Variants in ERBB4 observed in about 807,000 individuals in gnomAD.
ERBB4 encodes the protein erb-b2 receptor tyrosine kinase 4, also known as receptor tyrosine-protein kinase erbB-4.
A neutral mutation model predicts 158.0 loss-of-function variants in ERBB4; 42 were observed. That is an observed-to-expected ratio of 0.27 (90% CI 0.21 to 0.34). The LOEUF (loss-of-function observed/expected upper bound fraction) is 0.34, where lower values mean the gene tolerates loss of function less well. ERBB4 is among the 10% of genes least tolerant of loss of function. The probability of loss-of-function intolerance (pLI) is 1.00; values close to 1 mark genes in which losing one functional copy is unlikely to be tolerated. For synonymous variants in ERBB4, 583 were observed against 558.7 expected (o/e 1.04, Z -0.61); for missense variants, 1,333 against 1,624.1 (o/e 0.82, Z 3.08).
chr2:212,170,125 G>A (rs2081471008), intron 1 of ERBB4, among the ~76,000 whole-genome samples: 1 of 152,120 alleles, frequency 6.6e-6, no homozygotes, highest in Admixed American at 6.6e-5. Context: ...GGAAAAGTTT[G>A]GAACTTCATA....
intron 20 of ERBB4, among the ~76,000 whole-genome samples, chr2:211,477,690 G>A (rs774159072): frequency 1.3e-5 from 2 of 151,792 alleles, no homozygotes; most frequent in Non-Finnish European, 2.9e-5. Flanking sequence ...AGAGAAGGAG[G>A]ATAATAGTCA....
intron 1 of ERBB4, among the ~76,000 whole-genome samples, chr2:212,247,064 A>G (rs1210540992): frequency 6.6e-6 from 1 of 152,218 alleles, no homozygotes; most frequent in Non-Finnish European, 1.5e-5. Flanking sequence ...TAATTTTAGT[A>G]TCAATAAATT....
At chr2:212,514,759 C>T (rs954957326) in intron 1 of ERBB4, among the ~76,000 whole-genome samples, 2 of 152,098 alleles carry the variant, frequency 1.3e-5, no homozygotes, top group East Asian at 1.9e-4. Flanking sequence ...GAGCAGAGAT[C>T]GCACCACTGT....
At chr2:211,717,522 G>T (rs2073956628) in intron 7 of ERBB4, among the ~76,000 whole-genome samples, 1 of 152,098 alleles carries the variant, frequency 6.6e-6, no homozygotes, top group South Asian at 2.1e-4. Flanking sequence ...TGTTTTCAAA[G>T]CCTTTTTAAA....
At chr2:211,674,436 C>A (rs2071974749) in intron 13 of ERBB4, among the ~76,000 whole-genome samples, 1 of 151,904 alleles carries the variant, frequency 6.6e-6, no homozygotes. Context: ...ACATCTATTC[C>A]AAGGCAAAAT....
intron 20 of ERBB4, among the ~76,000 whole-genome samples, chr2:211,495,134 A>C (rs2065438380): frequency 1.3e-5 from 2 of 152,102 alleles, no homozygotes; most frequent in Admixed American, 1.3e-4. Flanking sequence ...ATGTCTTCAT[A>C]GAAACTACAC....
intron 1 of ERBB4, among the ~76,000 whole-genome samples, chr2:212,509,573 TTTAAA>T (rs1691391333): frequency 6.6e-6 from 1 of 151,988 alleles, no homozygotes; most frequent in Non-Finnish European, 1.5e-5. Context: ...AATAATTTAA[TTTAAA>T]TAAGTTTATG....
intron 2 of ERBB4, among the ~76,000 whole-genome samples, chr2:212,034,651 G>A (rs1020384177): frequency 3.3e-5 from 5 of 152,046 alleles, no homozygotes; most frequent in Admixed American, 1.3e-4. Context: ...TTGGGGTATG[G>A]AAATTAATAA....
chr2:212,138,006 T>C (rs987864122), intron 1 of ERBB4, among the ~76,000 whole-genome samples: 2 of 152,214 alleles, frequency 1.3e-5, no homozygotes, highest in Non-Finnish European at 2.9e-5. Flanking sequence ...GTAAAAGGAA[T>C]AATAAATACA....
At chr2:212,318,564 A>G (rs1210748918) in intron 1 of ERBB4, among the ~76,000 whole-genome samples, 1 of 151,622 alleles carries the variant, frequency 6.6e-6, no homozygotes, top group Non-Finnish European at 1.5e-5. Flanking sequence ...AAGAAGTGTA[A>G]TAATATATCC....
At chr2:211,484,707 T>C (rs2065163344) in intron 20 of ERBB4, among the ~76,000 whole-genome samples, 1 of 152,176 alleles carries the variant, frequency 6.6e-6, no homozygotes, top group African/African-American at 2.4e-5. Context: ...TCAAAATATT[T>C]AAACCAAGAG....
At chr2:211,497,153 C>A (rs1002926220) in intron 20 of ERBB4, among the ~76,000 whole-genome samples, 1 of 151,904 alleles carries the variant, frequency 6.6e-6, no homozygotes, top group African/African-American at 2.4e-5. Context: ...ATAAAAATGG[C>A]AAAATCTAAA....
At chr2:211,433,947 T>C (rs1380732870) in intron 20 of ERBB4, among the ~76,000 whole-genome samples, 1 of 152,136 alleles carries the variant, frequency 6.6e-6, no homozygotes, top group African/African-American at 2.4e-5. Context: ...TGCTCCTACG[T>C]GTAAGAGTAT....
intron 1 of ERBB4, among the ~76,000 whole-genome samples, chr2:212,237,099 G>A (rs778714303): frequency 1.1e-4 from 16 of 151,874 alleles, no homozygotes; most frequent in East Asian, 1.9e-4. Flanking sequence ...TTCTCCTGTC[G>A]GCATTTAGTG....
intron 1 of ERBB4, among the ~76,000 whole-genome samples, chr2:212,351,172 T>G (rs2106340859): frequency 6.6e-6 from 1 of 152,136 alleles, no homozygotes; most frequent in East Asian, 1.9e-4. Flanking sequence ...ACCTGACAGG[T>G]GTCCTTATAA....
At chr2:211,793,526 C>A (rs2076321273) in intron 3 of ERBB4, among the ~76,000 whole-genome samples, 1 of 151,910 alleles carries the variant, frequency 6.6e-6, no homozygotes, top group African/African-American at 2.4e-5. Flanking sequence ...GGCAGCAAAA[C>A]CCATTTTCAA....
chr2:211,593,908 C>T (rs963332186), intron 19 of ERBB4, among the ~76,000 whole-genome samples: 1 of 152,138 alleles, frequency 6.6e-6, no homozygotes, highest in Non-Finnish European at 1.5e-5. Context: ...TGATGCCAAC[C>T]AGGATAACTT....
chr2:212,264,332 TCATTAA>T (rs763430584), intron 1 of ERBB4, among the ~76,000 whole-genome samples: 1 of 152,104 alleles, frequency 6.6e-6, no homozygotes, highest in Non-Finnish European at 1.5e-5. Flanking sequence ...GAAAAGCTCT[TCATTAA>T]CATATACTCA....
chr2:212,095,799 G>A (rs10177536), intron 2 of ERBB4, among the ~76,000 whole-genome samples: 102,840 of 150,360 alleles, frequency 0.68, 39,131 homozygotes, highest in East Asian at 1. Context: ...GCCGGGCGTG[G>A]TGGTGGGCGC....
Sources: gnomAD v4.1 joint callset for allele counts (sites outside exome capture counted in the v4.1 genomes callset) on GRCh38, gnomAD v4.1.1 for gene constraint, MANE v1.5 for transcripts, NCBI Gene and HGNC (gene_info 2026-07-23, HGNC 2026-07-21) for gene names.